The following PROSER2 variants were observed in gnomAD, a reference collection of about 807,000 sequenced individuals.
PROSER2 encodes the protein proline and serine-rich protein 2.
Under a neutral mutation model 14.6 loss-of-function variants are expected in PROSER2, and 18 were observed. The observed-to-expected ratio is 1.23, with a 90% CI of 0.85 to 1.83. The LOEUF is 1.83. Ranked by LOEUF, PROSER2 falls within the 40% of genes most tolerant of loss-of-function variation. The probability of loss-of-function intolerance (pLI) is 0.00; values close to 1 mark genes in which losing one functional copy is unlikely to be tolerated. For synonymous variants in PROSER2, 367 were observed against 286.4 expected (o/e 1.28, Z -2.84); for missense variants, 823 against 629.8 (o/e 1.31, Z -3.28).
chr10:11,824,843 T>G (rs1833588796), intron 1 of PROSER2, among the ~76,000 whole-genome samples: 1 of 152,170 alleles, frequency 6.6e-6, no homozygotes, highest in East Asian at 1.9e-4. Context: ...AGTGATATAG[T>G]GGAGCGAAGG....
chr10:11,855,040 C>T (rs1290815812), intron 2 of PROSER2, among the ~76,000 whole-genome samples: 1 of 151,106 alleles, frequency 6.6e-6, no homozygotes, highest in Non-Finnish European at 1.5e-5. Flanking sequence ...CTAGGTTGTA[C>T]GATATGTAAA....
chr10:11,840,941 AAAAAAAAAAAAAAAATATAT>A (rs1177579214), intron 1 of PROSER2, among the ~76,000 whole-genome samples: 2 of 56,810 alleles, frequency 3.5e-5, no homozygotes, highest in African/African-American at 9.5e-5. Context: ...AAAAAAAAAA[AAAAAAAAAAAAAAAATATAT>A]ATATATATAT....
At position 11,845,285 on chromosome 10, in the gene PROSER2, G is replaced by A. The variant is rs117449233; in HGVS notation, c.-81-6712G>A. 1.9e-3 allele frequency among the ~76,000 whole-genome samples: 284 copies of A among 152,258 alleles called. 2 individuals carry two copies. The highest frequency in any genetic ancestry group is 3.8e-3 in the Non-Finnish European group (260 of 68,028). ...TATGCCAGTTTACACCCCCACCAGC[G>A]GAACCTCGGAGCACCTTGTTTCCCC... On this transcript the variant is annotated intron_variant, in intron 1 of 3. Coordinates refer to ENST00000277570, the MANE Select transcript of PROSER2 (RefSeq NM_153256.4).
intron 1 of PROSER2, among the ~76,000 whole-genome samples, chr10:11,839,551 G>T (rs1474228594): frequency 6.6e-6 from 1 of 152,102 alleles, no homozygotes; most frequent in South Asian, 2.1e-4. Flanking sequence ...CCTTGGCTGG[G>T]CGCGGTGGCT....
At position 11,870,330 on chromosome 10, in the gene PROSER2, T is replaced by A. The variant is rs1191088957; in HGVS notation, c.1232T>A (p.Phe411Tyr). ...LPRPQGITVQ[F>Y]AGRGSSEEAR... is the part of the protein sequence containing the mutation. ...CGGCCCCAGGGCATCACCGTGCAGT[T>A]CGCGGGCCGCGGCTCCTCGGAGGAG... Residue 411 changes from phenylalanine to tyrosine, a missense_variant, in exon 4 of 4, where the codon TTC becomes TAC. Coordinates refer to ENST00000277570, the MANE Select transcript of PROSER2 (RefSeq NM_153256.4). 6.0e-6 allele frequency: 9 copies of A among 1,504,136 alleles called. No individual in the cohort carries two copies. Among genetic ancestry groups the A allele is most frequent in the Non-Finnish European group, 7.1e-6 (8 of 1,130,356 alleles). The allele number at this position is 1,504,136 out of a possible 1,614,324, so 93.2% of individuals were successfully genotyped here. A position where few individuals can be genotyped will look rare whatever the true frequency, so the allele number is the denominator to read the frequency against.
At chr10:11,853,216 T>C (rs1834061828) in intron 2 of PROSER2, among the ~76,000 whole-genome samples, 2 of 152,210 alleles carry the variant, frequency 1.3e-5, no homozygotes, top group South Asian at 4.1e-4. Flanking sequence ...ATGGGGTAGT[T>C]ATTAGTAATG....
At chr10:11,857,616 G>A (rs969967902) in intron 2 of PROSER2, among the ~76,000 whole-genome samples, 3 of 152,080 alleles carry the variant, frequency 2.0e-5, no homozygotes, top group Admixed American at 6.5e-5. Flanking sequence ...GTGGTGACGC[G>A]TGCCTGTAAT....
In PROSER2 at chr10:11,865,513, C is replaced by G. The variant is rs1405012639; in HGVS notation, c.139-1018C>G. Among the ~76,000 whole-genome samples, 3 of 152,254 alleles carry G rather than the reference C, an allele frequency of 2.0e-5. No individual in the cohort carries two copies. The highest frequency in any genetic ancestry group is 4.4e-5 in the Non-Finnish European group (3 of 68,052). ...TGGTTATTAGATATCTGCGCATACT[C>G]CAGAGTAGGACAGTAAGAAACTGCT... On this transcript the variant is annotated intron_variant, in intron 2 of 3. Transcript: ENST00000277570. The surrounding 1 kb of genome is among the most constrained non-coding windows in gnomAD (Gnocchi z 4.2).
Position 11,866,477 on chromosome 10 carries a change from T to C in PROSER2, c.139-54T>C. 6.3e-7 allele frequency: 1 copy of C among 1,596,976 alleles called. No homozygotes were observed. Among genetic ancestry groups the C allele is most frequent in the Non-Finnish European group, 8.5e-7 (1 of 1,170,544 alleles). On this transcript the variant is annotated intron_variant, in intron 2 of 3. Transcript: ENST00000277570. This position sits in a 1 kb window ranked among gnomAD's most constrained non-coding sequence, Gnocchi z 6.0. ...CAACTTTGCTTCAGCTTTTGTCTCTTTAGTGAAGCCAGTGTTTGTTTTCTC... is the reference window on the plus strand; with the variant it reads ...CAACTTTGCTTCAGCTTTTGTCTCTCTAGTGAAGCCAGTGTTTGTTTTCTC...
chr10:11,846,706 G>A (rs1238667651), intron 1 of PROSER2, among the ~76,000 whole-genome samples: 1 of 152,202 alleles, frequency 6.6e-6, no homozygotes, highest in Non-Finnish European at 1.5e-5. Flanking sequence ...AGGCCATGGA[G>A]TCTGTCTAAC....
At chr10:11,840,150 G>A (rs766486032) in intron 1 of PROSER2, among the ~76,000 whole-genome samples, 11 of 151,246 alleles carry the variant, frequency 7.3e-5, no homozygotes, top group Non-Finnish European at 1.2e-4. Flanking sequence ...ATGGGGTTTC[G>A]CCATCTTTGC....
intron 2 of PROSER2, among the ~76,000 whole-genome samples, chr10:11,854,721 C>T (rs568324844): frequency 6.6e-6 from 1 of 152,062 alleles, no homozygotes; most frequent in South Asian, 2.1e-4. Flanking sequence ...CCATCCCCGA[C>T]TAATTTTTGT....
chr10:11,833,779 A>T (rs1276372392), intron 1 of PROSER2, among the ~76,000 whole-genome samples: 1 of 152,136 alleles, frequency 6.6e-6, no homozygotes, highest in Admixed American at 6.5e-5. Context: ...TATGGGATCA[A>T]TTGTATCCAA....
Position 11,826,286 on chromosome 10 carries a change from CTT to C in PROSER2, c.-82+2818_-82+2819del, listed in dbSNP as rs56719277. ...ATTTACCCATTCATCAGATGAATGA[CTT>C]TGGGTTGTTTCCACCTTTTGGCTAT... On this transcript the variant is annotated intron_variant, in intron 1 of 3. Transcript: ENST00000277570. Among the ~76,000 whole-genome samples the C allele has an allele frequency of 2.7e-3, 410 of 152,256 alleles. 2 individuals carry two copies. Among genetic ancestry groups the C allele is most frequent in the Non-Finnish European group, 3.7e-3 (249 of 68,020 alleles).
chr10:11,860,344 C>T (rs548486189), intron 2 of PROSER2, among the ~76,000 whole-genome samples: 8 of 152,232 alleles, frequency 5.3e-5, no homozygotes, highest in Admixed American at 3.9e-4. Context: ...GGGCTGGGCG[C>T]GGTAGCTCAC....
chr10:11,851,794 CTTA>C (rs775594037), intron 1 of PROSER2, 200 bp from the exon 2 acceptor site: 11 of 247,884 alleles, frequency 4.4e-5, no homozygotes, highest in Non-Finnish European at 7.6e-5. Flanking sequence ...AAAAATTATT[CTTA>C]TGTGTTCAGA....
At chr10:11,835,106 TAAAAAA>T (rs10556057) in intron 1 of PROSER2, among the ~76,000 whole-genome samples, 45 of 141,776 alleles carry the variant, frequency 3.2e-4, no homozygotes, top group East Asian at 1.2e-3. Flanking sequence ...GAATCTGTCT[TAAAAAA>T]AAAAAAAAAA....
At position 11,865,713 on chromosome 10, in the gene PROSER2, G is replaced by C. The variant is rs1046508025; in HGVS notation, c.139-818G>C. On this transcript the variant is annotated intron_variant, in intron 2 of 3. Transcript: ENST00000277570. The surrounding 1 kb of genome is among the most constrained non-coding windows in gnomAD (Gnocchi z 4.2). ...CTTGGCTGCACTGACAGCCCACACT[G>C]TTAACACGGCACTCCACCGTCAGCT... is the stretch of plus-strand genomic sequence containing the variant. Among the ~76,000 whole-genome samples, 6 of 152,158 alleles carry C rather than the reference G, an allele frequency of 3.9e-5. No individual in the cohort carries two copies. The highest frequency in any genetic ancestry group is 1.2e-4 in the African/African-American group (5 of 41,444).
chr10:11,870,329 T>C lies in PROSER2; in HGVS notation c.1231T>C (p.Phe411Leu). 1 of 1,503,674 alleles carries C rather than the reference T, an allele frequency of 6.7e-7. No homozygotes were observed. Among genetic ancestry groups the C allele is most frequent in the Non-Finnish European group, 8.8e-7 (1 of 1,130,238 alleles). The allele number at this position is 1,503,674 out of a possible 1,614,324, so 93.1% of individuals were successfully genotyped here. A position where few individuals can be genotyped will look rare whatever the true frequency, so the allele number is the denominator to read the frequency against. Reference protein sequence around the residue: ...LPRPQGITVQFAGRGSSEEAR... With the variant: ...LPRPQGITVQLAGRGSSEEAR... ...CCGGCCCCAGGGCATCACCGTGCAGTTCGCGGGCCGCGGCTCCTCGGAGGA... is the reference window on the plus strand; with the variant it reads ...CCGGCCCCAGGGCATCACCGTGCAGCTCGCGGGCCGCGGCTCCTCGGAGGA... The change falls in exon 4 of 4, where the codon TTC (phenylalanine) becomes CTC (leucine). Residue 411 changes from phenylalanine to leucine, a missense_variant. Phe to Leu is a conservative substitution (Grantham distance 22). Coordinates refer to ENST00000277570, the MANE Select transcript of PROSER2 (RefSeq NM_153256.4).
Sources: gnomAD v4.1 joint callset for allele counts (sites outside exome capture counted in the v4.1 genomes callset) on GRCh38, gnomAD v4.1.1 for gene constraint, Gnocchi (gnomAD v3.1) non-coding constraint, MANE v1.5 for transcripts, NCBI Gene and HGNC (gene_info 2026-07-23, HGNC 2026-07-21) for gene names.